Variants in DAG1 observed in about 807,000 individuals in gnomAD.
DAG1 encodes the protein dystroglycan 1.
Under a neutral mutation model 46.1 loss-of-function variants are expected in DAG1, and 8 were observed. The observed-to-expected ratio is 0.17, with a 90% CI of 0.10 to 0.31. DAG1 has a LOEUF of 0.31. Ranked by LOEUF, DAG1 falls within the 10% of genes least tolerant of loss-of-function variation. The pLI, the probability that DAG1 is intolerant of heterozygous loss-of-function variation, is 1.00. For synonymous variants in DAG1, 495 were observed against 481.8 expected, an observed-to-expected ratio of 1.03 and a Z score of -0.36; for missense variants, 1,003 against 1,189.9, an observed-to-expected ratio of 0.84 and a Z score of 2.31.
At chr3:49,511,855 C>G (rs1394631478) in intron 2 of DAG1, among the ~76,000 whole-genome samples, 3 of 152,224 alleles carry the variant, frequency 2.0e-5, no homozygotes, top group African/African-American at 7.2e-5. Flanking sequence ...CATATGGTTT[C>G]TGTCAGAACT....
chr3:49,496,727 A>G (rs1028916167), intron 1 of DAG1, among the ~76,000 whole-genome samples: 5 of 151,352 alleles, frequency 3.3e-5, no homozygotes, highest in African/African-American at 1.2e-4. Flanking sequence ...CCCAAGTTCA[A>G]GCAGTTCTCC....
At chr3:49,520,010 G>T (rs1002415596) in intron 2 of DAG1, among the ~76,000 whole-genome samples, 1 of 152,210 alleles carries the variant, frequency 6.6e-6, no homozygotes, top group African/African-American at 2.4e-5. Context: ...TTTGTGGCAG[G>T]GGCCAGGTTC....
chr3:49,487,499 C>T (rs1285695976), intron 1 of DAG1: 1 of 152,170 alleles, frequency 6.6e-6, no homozygotes, highest in Non-Finnish European at 1.5e-5. Flanking sequence ...CAAAGTTACT[C>T]TCTAGCTTCC....
chr3:49,528,866 T>TC (rs1159377743), intron 2 of DAG1, among the ~76,000 whole-genome samples: 2 of 151,644 alleles, frequency 1.3e-5, no homozygotes, highest in Non-Finnish European at 2.9e-5. Flanking sequence ...TTTTTTTTTT[T>TC]CTGAGATGGA....
At chr3:49,489,569 G>T (rs2050128190) in intron 1 of DAG1, among the ~76,000 whole-genome samples, 1 of 151,822 alleles carries the variant, frequency 6.6e-6, no homozygotes, top group Non-Finnish European at 1.5e-5. Flanking sequence ...TCTGATTTGG[G>T]TTTTTTTTCC....
intron 1 of DAG1, among the ~76,000 whole-genome samples, chr3:49,508,799 G>A (rs1208244160): frequency 6.6e-6 from 1 of 152,184 alleles, no homozygotes; most frequent in Non-Finnish European, 1.5e-5. Flanking sequence ...AAAGTGCTGG[G>A]ATTACAGGCA....
At position 49,535,489 on chromosome 3, in the gene DAG1, A is replaced by G. The variant is rs1161529727; in HGVS notation, c.*2290A>G. The stretch of plus-strand genomic sequence containing the variant: ...TTGGACTCTGTGAGATGGAGAGCCA[A>G]TCTCACATTCAAGTGTTCACCAACC... On this transcript the variant is annotated 3_prime_UTR_variant, in exon 3 of 3. Coordinates refer to ENST00000308775, the MANE Select transcript of DAG1 (RefSeq NM_004393.6). The G allele has an allele frequency of 1.3e-5, 2 of 152,698 alleles. No homozygotes were observed. Among genetic ancestry groups the G allele is most frequent in the African/African-American group, 4.8e-5 (2 of 41,464 alleles). 9.5% of individuals were successfully genotyped at this position (152,698 alleles called of 1,614,324 possible). A position where few individuals can be genotyped will look rare whatever the true frequency, so the allele number is the denominator to read the frequency against.
At chr3:49,528,406 T>C (rs2107878887) in intron 2 of DAG1, among the ~76,000 whole-genome samples, 1 of 147,842 alleles carries the variant, frequency 6.8e-6, no homozygotes, top group Admixed American at 6.9e-5. Flanking sequence ...TGCATCAGCC[T>C]CCCGACTAGC....
chr3:49,478,235 T>C (rs934914127), intron 1 of DAG1, among the ~76,000 whole-genome samples: 28 of 147,628 alleles, frequency 1.9e-4, no homozygotes, highest in African/African-American at 6.8e-4. Flanking sequence ...GATCGTGCTG[T>C]TGCACTCCAT....
chr3:49,533,257 T>C lies in DAG1; in HGVS notation c.*58T>C. 6.3e-7 allele frequency: 1 copy of C among 1,598,190 alleles called. No homozygotes were observed. Among genetic ancestry groups the C allele is most frequent in the Non-Finnish European group, 8.5e-7 (1 of 1,178,308 alleles). The stretch of plus-strand genomic sequence containing the variant: ...CAGGGGCCTGGAGACGACATGGTGT[T>C]GTCTGTGGAGACCGGTGGCCTGCAG... On this transcript the variant is annotated 3_prime_UTR_variant, in exon 3 of 3. Coordinates refer to ENST00000308775, the MANE Select transcript of DAG1 (RefSeq NM_004393.6).
At chr3:49,517,504 G>C (rs1177166979) in intron 2 of DAG1, among the ~76,000 whole-genome samples, 2 of 152,190 alleles carry the variant, frequency 1.3e-5, no homozygotes, top group Non-Finnish European at 2.9e-5. Flanking sequence ...GGTATGCCTT[G>C]ACATGGATGG....
chr3:49,479,050 T>A (rs1575340080), intron 1 of DAG1, among the ~76,000 whole-genome samples: 1 of 151,842 alleles, frequency 6.6e-6, no homozygotes, highest in East Asian at 1.9e-4. Flanking sequence ...CTTGTGATCC[T>A]CCCACCTCAG....
At chr3:49,470,128 A>T (rs562858604), upstream of DAG1, 15 of 150,778 alleles carry the variant, frequency 9.9e-5, no homozygotes, top group East Asian at 3.0e-3. Flanking sequence ...GGAGCGGCCG[A>T]CGCAGGCAGA....
intron 1 of DAG1, among the ~76,000 whole-genome samples, chr3:49,506,321 A>G (rs1412894319): frequency 2.0e-5 from 3 of 152,182 alleles, no homozygotes; most frequent in Non-Finnish European, 4.4e-5. Context: ...TAGAACTTCT[A>G]GCATTATGTT....
intron 1 of DAG1, among the ~76,000 whole-genome samples, chr3:49,485,264 C>T (rs1325888449): frequency 3.3e-5 from 5 of 150,234 alleles, no homozygotes; most frequent in South Asian, 2.1e-4. Context: ...CGTGAGCCAC[C>T]GCACCCGGCC....
intron 1 of DAG1, among the ~76,000 whole-genome samples, chr3:49,479,789 C>T (rs1011064606): frequency 6.7e-6 from 1 of 149,014 alleles, no homozygotes; most frequent in Non-Finnish European, 1.5e-5. Context: ...AGGCGCGCAC[C>T]ACCACACCCG....
At chr3:49,512,789 G>A (rs2050798104) in intron 2 of DAG1, among the ~76,000 whole-genome samples, 1 of 144,192 alleles carries the variant, frequency 6.9e-6, no homozygotes, top group Non-Finnish European at 1.5e-5. Flanking sequence ...GCAACATGGT[G>A]AAACCCCAAC....
In DAG1 at chr3:49,503,122, T is replaced by C. The variant is rs147352727; in HGVS notation, c.-116-7297T>C. On this transcript the variant is annotated intron_variant, in intron 1 of 2. Transcript: ENST00000308775. ...CATCTCTCCATATATGTTTGCACTTTCCTGTCTGTGTGCCTAGGAGTGGAA... is the reference window on the plus strand; with the variant it reads ...CATCTCTCCATATATGTTTGCACTTCCCTGTCTGTGTGCCTAGGAGTGGAA... 4.4e-3 allele frequency among the ~76,000 whole-genome samples: 672 copies of C among 152,296 alleles called. 11 individuals are homozygous for C. Among genetic ancestry groups the C allele is most frequent in the African/African-American group, 0.015 (605 of 41,560 alleles).
At chr3:49,499,079 G>A (rs1202744323) in intron 1 of DAG1, among the ~76,000 whole-genome samples, 1 of 152,206 alleles carries the variant, frequency 6.6e-6, no homozygotes, top group African/African-American at 2.4e-5. Flanking sequence ...TTTTTAGGTA[G>A]CGTAGCTATT....
Sources: gnomAD v4.1 joint callset for allele counts (sites outside exome capture counted in the v4.1 genomes callset) on GRCh38, gnomAD v4.1.1 for gene constraint, MANE v1.5 for transcripts, NCBI Gene and HGNC (gene_info 2026-07-23, HGNC 2026-07-21) for gene names.